SGCZ: variants seen among roughly 807,000 people sequenced by gnomAD.
The protein encoded by SGCZ is sarcoglycan zeta.
Under a neutral mutation model 41.3 loss-of-function variants are expected in SGCZ, and 40 were observed. That is an observed-to-expected ratio of 0.97 (90% confidence interval 0.75 to 1.26). SGCZ has a LOEUF of 1.26. Ranked by LOEUF, SGCZ falls within the 50% of genes most tolerant of loss-of-function variation. The probability of loss-of-function intolerance (pLI) is 0.00; values close to 1 mark genes in which losing one functional copy is unlikely to be tolerated. For missense variants in SGCZ, 552 were observed against 369.8 expected (o/e 1.49, Z -4.04); for synonymous variants, 206 against 137.5 (o/e 1.50, Z -3.49).
intron 4 of SGCZ, among the ~76,000 whole-genome samples, chr8:14,209,222 T>C (rs1396915466): frequency 6.6e-6 from 1 of 152,218 alleles, no homozygotes; most frequent in Non-Finnish European, 1.5e-5. Flanking sequence ...GTGGACTCCA[T>C]GTAAATCAGA....
At chr8:14,559,385 G>C (rs890382585) in intron 1 of SGCZ, among the ~76,000 whole-genome samples, 1 of 151,834 alleles carries the variant, frequency 6.6e-6, no homozygotes. Flanking sequence ...TTACCATAGA[G>C]CAAAAAATAA....
At chr8:14,878,320 C>T (rs1000171477) in intron 1 of SGCZ, among the ~76,000 whole-genome samples, 1 of 151,376 alleles carries the variant, frequency 6.6e-6, no homozygotes, top group African/African-American at 2.4e-5. Flanking sequence ...GAAACAAATG[C>T]CATCTATAAC....
intron 3 of SGCZ, among the ~76,000 whole-genome samples, chr8:14,317,462 A>C (rs1006275667): frequency 1.3e-5 from 2 of 151,986 alleles, no homozygotes; most frequent in African/African-American, 2.4e-5. Context: ...CCACAGAAAT[A>C]ATAAAATTTC....
rs139188265 is a variant in SGCZ at position 14,569,545 on chromosome 8, G to T, written c.40-14619C>A. On this transcript the variant is annotated intron_variant, in intron 1 of 7. Transcript: ENST00000382080. ...AGGAAGCACTCTTCTAGAAGCTATG[G>T]ATAGAATAGTGACATGAGCAAACAA... Among the ~76,000 whole-genome samples the T allele has an allele frequency of 1.1e-4, 17 of 152,246 alleles. No homozygotes were observed. The East Asian group carries it at 3.3e-3, about 29-fold the overall frequency.
At chr8:15,067,097 G>A (rs1443898045) in intron 1 of SGCZ, among the ~76,000 whole-genome samples, 1 of 152,162 alleles carries the variant, frequency 6.6e-6, no homozygotes, top group African/African-American at 2.4e-5. Flanking sequence ...ATGATTGTGT[G>A]TAAATGTTTA....
intron 1 of SGCZ, among the ~76,000 whole-genome samples, chr8:14,940,719 T>A (rs1489672549): frequency 6.6e-6 from 1 of 151,986 alleles, no homozygotes. Flanking sequence ...AACAGGTAAG[T>A]GTATTTGACC....
chr8:14,941,373 A>C (rs1350033634), intron 1 of SGCZ, among the ~76,000 whole-genome samples: 1 of 152,174 alleles, frequency 6.6e-6, no homozygotes, highest in Non-Finnish European at 1.5e-5. Flanking sequence ...AAGGAAAGCA[A>C]ACGGGTATAT....
chr8:15,054,659 A>G (rs1804638912), intron 1 of SGCZ, among the ~76,000 whole-genome samples: 1 of 152,110 alleles, frequency 6.6e-6, no homozygotes, highest in African/African-American at 2.4e-5. Context: ...ATCTTCTTTA[A>G]GACTCAATTT....
intron 2 of SGCZ, among the ~76,000 whole-genome samples, chr8:14,362,280 G>A (rs757661130): frequency 3.8e-4 from 58 of 152,170 alleles, no homozygotes; most frequent in Admixed American, 5.2e-4. Context: ...CCCTGCCCCC[G>A]GAGGTGGAAT....
intron 1 of SGCZ, among the ~76,000 whole-genome samples, chr8:15,174,916 A>G (rs538067328): frequency 6.7e-6 from 1 of 150,306 alleles, no homozygotes; most frequent in African/African-American, 2.5e-5. Flanking sequence ...AATTAATTCA[A>G]CTGTCATGGA....
chr8:14,800,791 T>C (rs923422144), intron 1 of SGCZ, among the ~76,000 whole-genome samples: 2 of 152,162 alleles, frequency 1.3e-5, no homozygotes, highest in African/African-American at 4.8e-5. Context: ...TCTAGTATGT[T>C]TTATAGCAAT....
intron 1 of SGCZ, among the ~76,000 whole-genome samples, chr8:15,139,939 T>C (rs973913653): frequency 6.6e-6 from 1 of 152,178 alleles, no homozygotes; most frequent in African/African-American, 2.4e-5. Context: ...TATACTAGAG[T>C]ACCTTATATT....
chr8:15,080,036 C>T (rs552073968), intron 1 of SGCZ, among the ~76,000 whole-genome samples: 5 of 152,136 alleles, frequency 3.3e-5, no homozygotes, highest in Admixed American at 2.0e-4. Context: ...ATTTTTCCTT[C>T]GCCATTTTTT....
At chr8:14,889,173 C>T (rs1177144802) in intron 1 of SGCZ, among the ~76,000 whole-genome samples, 2 of 151,884 alleles carry the variant, frequency 1.3e-5, no homozygotes, top group African/African-American at 4.8e-5. Context: ...GAAAAAATGG[C>T]AACAGTACAA....
At chr8:14,254,481 G>C (rs902006707) in intron 3 of SGCZ, among the ~76,000 whole-genome samples, 10 of 152,054 alleles carry the variant, frequency 6.6e-5, no homozygotes, top group Non-Finnish European at 1.3e-4. Context: ...TGTTATCTTA[G>C]GTCAAAAATA....
At chr8:14,374,253 C>T (rs1804022626) in intron 2 of SGCZ, among the ~76,000 whole-genome samples, 1 of 152,198 alleles carries the variant, frequency 6.6e-6, no homozygotes, top group South Asian at 2.1e-4. Context: ...GTGGTGCCTG[C>T]CTGTAGTCCC....
At chr8:14,461,642 A>T (rs535819692) in intron 2 of SGCZ, among the ~76,000 whole-genome samples, 1 of 152,278 alleles carries the variant, frequency 6.6e-6, no homozygotes, top group East Asian at 1.9e-4. Context: ...TTTTTCAGTG[A>T]CAGCCTGCTG....
chr8:14,319,054 T>C (rs10481431), intron 3 of SGCZ, among the ~76,000 whole-genome samples: 1,727 of 151,974 alleles, frequency 0.011, 30 homozygotes, highest in African/African-American at 0.039. Context: ...AGGAATCATA[T>C]AAAGAGTTAA....
chr8:14,644,114 T>C (rs1176924354), intron 1 of SGCZ, among the ~76,000 whole-genome samples: 2 of 151,796 alleles, frequency 1.3e-5, no homozygotes, highest in African/African-American at 4.8e-5. Context: ...TCTTACCTAT[T>C]GTGATGGTTA....
Sources: gnomAD v4.1 joint callset for allele counts (sites outside exome capture counted in the v4.1 genomes callset) on GRCh38, gnomAD v4.1.1 for gene constraint, MANE v1.5 for transcripts, NCBI Gene and HGNC (gene_info 2026-07-23, HGNC 2026-07-21) for gene names.